The following MCTP2 variants were observed in gnomAD, a reference collection of about 807,000 sequenced individuals.
MCTP2 encodes multiple C2 and transmembrane domain containing 2.
In MCTP2, 132 loss-of-function variants were observed where a neutral mutation model predicts 111.6. The ratio of observed to expected loss-of-function variants is 1.18; its 90% confidence interval spans 1.03 to 1.37. The LOEUF (loss-of-function observed/expected upper bound fraction) is 1.37. MCTP2 is among the 40% of genes most tolerant of loss of function. MCTP2 has a pLI of 0.00. For missense variants in MCTP2, 1,183 were observed against 1,067.9 expected (o/e 1.11, Z -1.50); for synonymous variants, 395 against 387.7 (o/e 1.02, Z -0.22).
chr15:94,444,347 A>G (rs1046795032), intron 19 of MCTP2, among the ~76,000 whole-genome samples: 1 of 152,220 alleles, frequency 6.6e-6, no homozygotes, highest in East Asian at 1.9e-4. Flanking sequence ...TTTTGTTTCT[A>G]TGAAGGTTTC....
chr15:94,294,941 C>CTTTTTTTTTTTTTTTTTTTTTT (rs71133001), intron 1 of MCTP2, among the ~76,000 whole-genome samples: 4 of 73,988 alleles, frequency 5.4e-5, no homozygotes, highest in Admixed American at 1.8e-4. Flanking sequence ...TTTTCTTTTC[C>CTTTTTTTTTTTTTTTTTTTTTT]TTTTTTTTTT....
chr15:94,430,577 C>CAAAAAAAAAA (rs11289166), intron 17 of MCTP2, among the ~76,000 whole-genome samples: 6 of 96,676 alleles, frequency 6.2e-5, no homozygotes, highest in Admixed American at 1.1e-4. Flanking sequence ...ACTAAAAATA[C>CAAAAAAAAAA]AAAAAAAAAA....
At chr15:94,419,411 TAG>T (rs1463611271) in intron 17 of MCTP2, among the ~76,000 whole-genome samples, 1 of 152,062 alleles carries the variant, frequency 6.6e-6, no homozygotes, top group Admixed American at 6.6e-5. Context: ...GAGCATGACT[TAG>T]AGGTATAAGT....
At chr15:94,433,983 A>G (rs2083324923) in intron 17 of MCTP2, among the ~76,000 whole-genome samples, 1 of 152,184 alleles carries the variant, frequency 6.6e-6, no homozygotes, top group Admixed American at 6.5e-5. Flanking sequence ...ATCTTCTGGA[A>G]ACAAGATCCC....
intron 7 of MCTP2, chr15:94,342,773 T>TAC (rs1241797689): frequency 6.6e-6 from 1 of 151,038 alleles, no homozygotes; most frequent in African/African-American, 2.4e-5. Context: ...TCCATATATA[T>TAC]ACACACACAT....
rs117314042 is a variant in MCTP2, at chr15:94,477,568, G to T, written c.2568+775G>T. Among the ~76,000 whole-genome samples the T allele has an allele frequency of 4.3e-4, 65 of 152,314 alleles. No individual in the cohort carries two copies. In the East Asian group the frequency reaches 0.011, roughly 25 times the overall value. ...AATAGGTAGATGGGGAGACCATGGC[G>T]TGAAATATCATCAAGATGATCAAAG... is the stretch of plus-strand genomic sequence containing the variant. On this transcript the variant is annotated intron_variant, in intron 22 of 22. Coordinates refer to ENST00000357742, the MANE Select transcript of MCTP2 (RefSeq NM_001385001.1).
intron 10 of MCTP2, among the ~76,000 whole-genome samples, chr15:94,359,801 C>T (rs1403724750): frequency 6.6e-6 from 1 of 152,086 alleles, no homozygotes; most frequent in Non-Finnish European, 1.5e-5. Flanking sequence ...CTGTGCAGGG[C>T]TTTTTCTCAG....
intron 7 of MCTP2, among the ~76,000 whole-genome samples, chr15:94,344,643 C>A (rs79547048): frequency 0.014 from 2,081 of 152,178 alleles, 43 homozygotes; most frequent in African/African-American, 0.048. Flanking sequence ...AATAATTATT[C>A]ATATTTTGTC....
chr15:94,318,303 A>C (rs1392583281), intron 4 of MCTP2, among the ~76,000 whole-genome samples: 1 of 109,682 alleles, frequency 9.1e-6, no homozygotes, highest in Non-Finnish European at 1.9e-5. Context: ...TTTTTTTTTG[A>C]GACGGAGTCT....
At chr15:94,466,449 C>G (rs897058420) in intron 20 of MCTP2, among the ~76,000 whole-genome samples, 1 of 152,244 alleles carries the variant, frequency 6.6e-6, no homozygotes, top group East Asian at 1.9e-4. Context: ...TTGCTTGAGG[C>G]TTTTCAAGCA....
intron 2 of MCTP2, among the ~76,000 whole-genome samples, chr15:94,313,952 AGGGATCTGGCACAGTG>A (rs980084465): frequency 6.6e-6 from 1 of 152,216 alleles, no homozygotes; most frequent in African/African-American, 2.4e-5. Context: ...CCCACTTGGG[AGGGATCTGGCACAGTG>A]GCTGTGCTGC....
intron 17 of MCTP2, among the ~76,000 whole-genome samples, chr15:94,417,656 G>A (rs1473954270): frequency 1.3e-5 from 2 of 152,074 alleles, no homozygotes; most frequent in Non-Finnish European, 2.9e-5. Context: ...AGGGAAAGGA[G>A]GATCCAAGCC....
chr15:94,375,958 G>T (rs1394692181), intron 12 of MCTP2, among the ~76,000 whole-genome samples: 10 of 152,170 alleles, frequency 6.6e-5, no homozygotes, highest in Admixed American at 6.5e-4. Context: ...CTTGGGGGCA[G>T]TTCTGGTAAT....
chr15:94,364,146 G>A (rs11630306), intron 10 of MCTP2, among the ~76,000 whole-genome samples: 20,774 of 151,584 alleles, frequency 0.14, 1,693 homozygotes, highest in African/African-American at 0.19. Context: ...ACCAGGGCTT[G>A]TAGGTGAAAT....
At chr15:94,250,003 A>G (rs898698121) in intron 1 of MCTP2, among the ~76,000 whole-genome samples, 2 of 152,046 alleles carry the variant, frequency 1.3e-5, no homozygotes, top group African/African-American at 2.4e-5. Context: ...AAAAAAGCAC[A>G]TATTATCTGC....
At chr15:94,409,562 T>C (rs1325230299) in intron 17 of MCTP2, among the ~76,000 whole-genome samples, 1 of 152,124 alleles carries the variant, frequency 6.6e-6, no homozygotes, top group Admixed American at 6.5e-5. Context: ...TTCACTCTGC[T>C]TTCCAGAGAT....
At chr15:94,386,542 A>G (rs1008351269) in intron 14 of MCTP2, among the ~76,000 whole-genome samples, 1 of 152,224 alleles carries the variant, frequency 6.6e-6, no homozygotes, top group African/African-American at 2.4e-5. Flanking sequence ...TGTCTGCAGC[A>G]TCTGCTCCCT....
chr15:94,364,667 T>G (rs2079097952), intron 10 of MCTP2, among the ~76,000 whole-genome samples: 1 of 152,224 alleles, frequency 6.6e-6, no homozygotes. Flanking sequence ...TTTGGGAGGT[T>G]GGATGAATAT....
chr15:94,270,165 C>A (rs1428352659), intron 1 of MCTP2, among the ~76,000 whole-genome samples: 1 of 152,084 alleles, frequency 6.6e-6, no homozygotes, highest in Non-Finnish European at 1.5e-5. Context: ...TGATAGCTGC[C>A]ATCTTACAGT....
Sources: gnomAD v4.1 joint callset for allele counts (sites outside exome capture counted in the v4.1 genomes callset) on GRCh38, gnomAD v4.1.1 for gene constraint, MANE v1.5 for transcripts, NCBI Gene and HGNC (gene_info 2026-07-23, HGNC 2026-07-21) for gene names.